Variants in C1orf141 observed in about 807,000 individuals in gnomAD.
The protein encoded by C1orf141 is chromosome 1 open reading frame 141.
A neutral mutation model predicts 23.2 loss-of-function variants in C1orf141; 19 were observed. The ratio of observed to expected loss-of-function variants is 0.82; its 90% confidence interval spans 0.57 to 1.20. C1orf141 has a LOEUF of 1.20. C1orf141 is among the 50% of genes most tolerant of loss of function. The pLI, the probability that C1orf141 is intolerant of heterozygous loss-of-function variation, is 0.00. For missense variants in C1orf141, 469 were observed against 455.1 expected (o/e 1.03, Z -0.28); for synonymous variants, 153 against 154.6 (o/e 0.99, Z 0.08).
chr1:67,114,289 TAA>T (rs11291982), intron 5 of C1orf141, among the ~76,000 whole-genome samples: 16,423 of 148,970 alleles, frequency 0.11, 945 homozygotes, highest in African/African-American at 0.16. Flanking sequence ...GCATAAACAA[TAA>T]AAAAAAAAAA....
rs1359412197 is a variant in C1orf141, at chr1:67,129,461, T to C, written c.-18+1681A>G. On this transcript the variant is annotated intron_variant, in intron 2 of 7. Transcript: ENST00000684719. ...GCTTGGGTGACAGAGCAAGACCCCA[T>C]TTCTTTAAAAAAAATTACACAGAGG... Among the ~76,000 whole-genome samples the C allele has an allele frequency of 3.9e-5, 6 of 152,160 alleles. No individual in the cohort carries two copies. In the East Asian group the frequency reaches 9.7e-4, roughly 24 times the overall value.
At chr1:67,128,029 C>A (rs76810172) in intron 2 of C1orf141, among the ~76,000 whole-genome samples, 3,194 of 152,142 alleles carry the variant, frequency 0.021, 110 homozygotes, top group African/African-American at 0.072. Flanking sequence ...TAATTAATTG[C>A]TTCAAATTAA....
chr1:67,100,373 C>T (rs1473210258), intron 5 of C1orf141, among the ~76,000 whole-genome samples: 1 of 152,146 alleles, frequency 6.6e-6, no homozygotes, highest in Non-Finnish European at 1.5e-5. Context: ...TTATTTTACT[C>T]TTTGCTGCTT....
At chr1:67,103,458 G>C (rs1395959914) in intron 5 of C1orf141, 1 of 843,708 alleles carries the variant, frequency 1.2e-6, no homozygotes, top group African/African-American at 1.7e-5. Context: ...ATTTATGCTT[G>C]AGTATTCACA....
At chr1:67,096,457 C>A in intron 5 of C1orf141, 136 bp from the exon 6 acceptor site, 2 of 535,244 alleles carry the variant, frequency 3.7e-6, no homozygotes, top group Admixed American at 3.9e-5. Flanking sequence ...TAGTAGCTAC[C>A]CAGTAAATAT....
intron 4 of C1orf141, among the ~76,000 whole-genome samples, chr1:67,120,021 C>T (rs937212630): frequency 6.6e-6 from 1 of 152,156 alleles, no homozygotes; most frequent in African/African-American, 2.4e-5. Context: ...AGGTGAGACC[C>T]CTGCCTGAGT....
chr1:67,117,135 C>CT (rs1403203361), intron 4 of C1orf141, among the ~76,000 whole-genome samples: 3 of 152,064 alleles, frequency 2.0e-5, no homozygotes, highest in Non-Finnish European at 4.4e-5. Flanking sequence ...CATTGAATGC[C>CT]TAATAGGCCG....
At chr1:67,130,922 G>A (rs1175792365) in intron 2 of C1orf141, among the ~76,000 whole-genome samples, 1 of 152,216 alleles carries the variant, frequency 6.6e-6, no homozygotes, top group Non-Finnish European at 1.5e-5. Context: ...AAAAGTGGAG[G>A]TGAGGAAACA....
At chr1:67,125,540 A>G (rs1321444474) in intron 4 of C1orf141, among the ~76,000 whole-genome samples, 1 of 152,124 alleles carries the variant, frequency 6.6e-6, no homozygotes, top group South Asian at 2.1e-4. Flanking sequence ...TCTATAAAAA[A>G]TACAAAAAAT....
In C1orf141 at chr1:67,099,537, TG is replaced by T. The variant is rs560539153; in HGVS notation, c.347-3217del. ...GCTCACGCCTGTAATCCCAGCACTC[TG>T]GGAGCCCAAGACAGGTGGATCACCT... On this transcript the variant is annotated intron_variant, in intron 5 of 7. Transcript: ENST00000684719. 3.1e-4 allele frequency among the ~76,000 whole-genome samples: 47 copies of T among 152,288 alleles called. 1 individual carries two copies. In the South Asian group the frequency reaches 9.3e-3, roughly 30 times the overall value.
Position 67,092,886 on chromosome 1 carries a change from T to C in C1orf141, c.*119A>G. 1.3e-6 allele frequency: 1 copy of C among 768,826 alleles called. No individual in the cohort carries two copies. Among genetic ancestry groups the C allele is most frequent in the Non-Finnish European group, 2.1e-6 (1 of 484,468 alleles). The allele number at this position is 768,826 out of a possible 1,614,324, so 47.6% of individuals were successfully genotyped here. On this transcript the variant is annotated 3_prime_UTR_variant, in exon 8 of 8. Transcript: ENST00000684719. The stretch of plus-strand genomic sequence containing the variant: ...TGCTGACTTATAATTCTAATGTCTA[T>C]GCTTTGCTTTCTTATATGATCAATT...
chr1:67,106,711 A>G (rs1233549827), intron 5 of C1orf141, among the ~76,000 whole-genome samples: 1 of 152,174 alleles, frequency 6.6e-6, no homozygotes, highest in Non-Finnish European at 1.5e-5. Context: ...TGCTTCATGA[A>G]AAAAGTAAAA....
chr1:67,124,439 A>G (rs1036225223), intron 4 of C1orf141, among the ~76,000 whole-genome samples: 1 of 152,124 alleles, frequency 6.6e-6, no homozygotes, highest in Non-Finnish European at 1.5e-5. Flanking sequence ...CAGCCTCCCA[A>G]GTAGCTGGGA....
chr1:67,132,721 T>G (rs150438465), intron 1 of C1orf141, among the ~76,000 whole-genome samples: 11 of 152,342 alleles, frequency 7.2e-5, no homozygotes, highest in African/African-American at 2.6e-4. Flanking sequence ...TCCTAGTTTA[T>G]CTGTAATAAA....
chr1:67,101,602 C>T (rs1645801621), intron 5 of C1orf141, among the ~76,000 whole-genome samples: 1 of 151,882 alleles, frequency 6.6e-6, no homozygotes. Flanking sequence ...CTGGAAGATT[C>T]TTTCAAACTG....
chr1:67,122,479 A>G (rs1646318876), intron 4 of C1orf141: 1 of 152,204 alleles, frequency 6.6e-6, no homozygotes, highest in Non-Finnish European at 1.5e-5. Flanking sequence ...CTTTGCAGAA[A>G]AGAACTGAGA....
chr1:67,130,670 GA>G (rs1213603694), intron 2 of C1orf141, among the ~76,000 whole-genome samples: 1 of 151,760 alleles, frequency 6.6e-6, no homozygotes, highest in African/African-American at 2.4e-5. Flanking sequence ...ATGATTTCTG[GA>G]AAATCACTGT....
At chr1:67,096,080 T>C in intron 6 of C1orf141, 172 bp downstream of exon 6, 1 of 415,776 alleles carries the variant, frequency 2.4e-6, no homozygotes, top group Non-Finnish European at 4.4e-6. Context: ...TTAACAATAC[T>C]CAAGGTCTGG....
upstream of C1orf141, among the ~76,000 whole-genome samples, chr1:67,137,569 C>T (rs746213200): frequency 2.6e-5 from 4 of 152,228 alleles, no homozygotes; most frequent in Non-Finnish European, 4.4e-5. Flanking sequence ...CCTTAAGTCA[C>T]ATTGTTGATC....
Sources: gnomAD v4.1 joint callset for allele counts (sites outside exome capture counted in the v4.1 genomes callset) on GRCh38, gnomAD v4.1.1 for gene constraint, MANE v1.5 for transcripts, NCBI Gene and HGNC (gene_info 2026-07-23, HGNC 2026-07-21) for gene names.